PAM: variants seen among roughly 807,000 people sequenced by gnomAD.
PAM encodes the protein peptidylglycine alpha-amidating monooxygenase.
PAM carries 72 observed loss-of-function variants against 122.1 expected under a neutral mutation model. The ratio of observed to expected loss-of-function variants is 0.59; its 90% CI spans 0.49 to 0.72. The LOEUF (loss-of-function observed/expected upper bound fraction) is 0.72, where lower values mean the gene tolerates loss of function less well. Ranked by LOEUF, PAM falls within the 30% of genes least tolerant of loss-of-function variation. PAM has a pLI of 0.00. For synonymous variants in PAM, 389 were observed against 404.4 expected (o/e 0.96, Z 0.46); for missense variants, 1,106 against 1,183.7 (o/e 0.93, Z 0.96).
At chr5:102,895,188 T>C (rs1795867080) in intron 3 of PAM, among the ~76,000 whole-genome samples, 1 of 151,822 alleles carries the variant, frequency 6.6e-6, no homozygotes, top group Non-Finnish European at 1.5e-5. Flanking sequence ...ACACGGCCTT[T>C]GAAAATACTA....
intron 7 of PAM, among the ~76,000 whole-genome samples, chr5:102,932,577 A>G (rs543559226): frequency 2.3e-4 from 34 of 149,136 alleles, no homozygotes; most frequent in Admixed American, 1.9e-3. Flanking sequence ...AGATATATAT[A>G]CATATAATTG....
intron 16 of PAM, among the ~76,000 whole-genome samples, chr5:102,992,312 G>C (rs1157503572): frequency 1.3e-5 from 2 of 152,000 alleles, no homozygotes; most frequent in African/African-American, 4.8e-5. Context: ...CTGTTTCCTT[G>C]CTCTTCTTCA....
chr5:102,776,672 T>C (rs1425592967), intron 1 of PAM, among the ~76,000 whole-genome samples: 1 of 152,062 alleles, frequency 6.6e-6, no homozygotes, highest in African/African-American at 2.4e-5. Flanking sequence ...ACAGATAAAA[T>C]TTACTCTCTT....
Position 102,913,988 on chromosome 5 carries a change from G to C in PAM, c.323G>C (p.Gly108Ala). Residue 108 changes from glycine to alanine, a missense_variant, in exon 5 of 26, where the codon GGA (glycine) becomes GCA (alanine). Around this residue, in one of 3 missense-constraint regions of PAM, gnomAD observed 670 missense variants for 690.3 expected, o/e 0.97. Transcript: ENST00000438793. ...MDTVHHMLLF[G>A]CNMPSSTGSY... The stretch of plus-strand genomic sequence containing the variant: ...ACTGTCCATCACATGTTACTTTTTG[G>C]ATGCAATATGCCTTCATCCACTGGA... 1 of 1,603,058 alleles carries C rather than the reference G, an allele frequency of 6.2e-7. No individual in the cohort carries two copies. The highest frequency in any genetic ancestry group is 8.5e-7 in the Non-Finnish European group (1 of 1,170,258).
intron 3 of PAM, among the ~76,000 whole-genome samples, chr5:102,899,570 T>G (rs931569779): frequency 4.0e-5 from 6 of 151,740 alleles, no homozygotes; most frequent in Admixed American, 3.9e-4. Flanking sequence ...ACTTTTGTTT[T>G]TATATTTGCT....
At chr5:102,881,475 G>A (rs1791062103) in intron 3 of PAM, among the ~76,000 whole-genome samples, 1 of 152,044 alleles carries the variant, frequency 6.6e-6, no homozygotes, top group African/African-American at 2.4e-5. Context: ...TTGCTGGTGG[G>A]AGGGTGCACT....
intron 7 of PAM, among the ~76,000 whole-genome samples, chr5:102,937,827 A>G (rs755128499): frequency 4.6e-5 from 7 of 151,798 alleles, no homozygotes; most frequent in Non-Finnish European, 8.8e-5. Context: ...AACAAGTAAT[A>G]GAGTCACTGT....
chr5:102,906,039 C>G (rs978317338), intron 4 of PAM, among the ~76,000 whole-genome samples: 1 of 151,630 alleles, frequency 6.6e-6, no homozygotes, highest in African/African-American at 2.4e-5. Context: ...TATACCTTGT[C>G]TCAGAGTCTC....
intron 3 of PAM, chr5:102,895,983 G>C (rs1302191037): frequency 2.0e-5 from 3 of 151,678 alleles, no homozygotes; most frequent in Non-Finnish European, 3.0e-5. Flanking sequence ...GAGATCGTCA[G>C]CACTCCCTGT....
intron 11 of PAM, among the ~76,000 whole-genome samples, chr5:102,950,416 G>GTGTGT (rs1758418594): frequency 8.7e-4 from 127 of 146,062 alleles, no homozygotes; most frequent in African/African-American, 3.1e-3. Context: ...TATGTGGGTG[G>GTGTGT]GTGTGTGTGT....
At chr5:102,758,326 G>GA (rs1393614062) in intron 1 of PAM, among the ~76,000 whole-genome samples, 1 of 152,024 alleles carries the variant, frequency 6.6e-6, no homozygotes, top group Non-Finnish European at 1.5e-5. Context: ...ATGGCAGGCT[G>GA]AGGGGCAGCC....
In PAM at chr5:102,797,906, A is replaced by AT. The variant is rs1186597793; in HGVS notation, c.-374+42562dup. 7.2e-5 allele frequency among the ~76,000 whole-genome samples: 11 copies of AT among 152,094 alleles called. No individual in the cohort carries two copies. In the South Asian group the frequency reaches 1.0e-3, roughly 14 times the overall value. ...CTCACTTTTCTCTTTAGTAATTTCC[A>AT]TTTTCTCTTGAAATTCATACAGTAT... On this transcript the variant is annotated intron_variant, in intron 1 of 25. Transcript: ENST00000438793.
intron 1 of PAM, among the ~76,000 whole-genome samples, chr5:102,848,450 G>A (rs534816564): frequency 5.9e-5 from 9 of 152,300 alleles, no homozygotes; most frequent in African/African-American, 2.2e-4. Flanking sequence ...GCCTCACTGT[G>A]GAAAGGGGAA....
intron 24 of PAM, 112 bp from the exon 25 acceptor site, chr5:103,028,073 G>A (rs911764362): frequency 7.5e-6 from 6 of 797,814 alleles, no homozygotes; most frequent in African/African-American, 1.7e-5. Flanking sequence ...ACAGACAAGA[G>A]CCAGGCCTTG....
chr5:102,914,326 C>T (rs1434466170), intron 5 of PAM, among the ~76,000 whole-genome samples: 1 of 151,990 alleles, frequency 6.6e-6, no homozygotes, highest in Admixed American at 6.6e-5. Flanking sequence ...AGTTGAAAAA[C>T]TACCAGTTGG....
chr5:103,010,823 G>A (rs866284422), intron 21 of PAM, among the ~76,000 whole-genome samples: 1 of 151,406 alleles, frequency 6.6e-6, no homozygotes, highest in Admixed American at 6.6e-5. Flanking sequence ...TATTTATGGG[G>A]TACATGAGAT....
intron 4 of PAM, among the ~76,000 whole-genome samples, chr5:102,905,139 G>T (rs144983367): frequency 1.1e-3 from 171 of 151,694 alleles, no homozygotes; most frequent in Non-Finnish European, 2.2e-3. Flanking sequence ...ATTTGAATGG[G>T]TGAAAGTATA....
intron 1 of PAM, among the ~76,000 whole-genome samples, chr5:102,847,656 T>C (rs765554867): frequency 2.2e-4 from 33 of 152,208 alleles, no homozygotes; most frequent in Non-Finnish European, 2.6e-4. Context: ...ATAGTAAAAT[T>C]ACATTTAGGT....
In PAM at chr5:102,798,559, A is replaced by G. The variant is rs112840482; in HGVS notation, c.-374+43211A>G. Among the ~76,000 whole-genome samples the G allele has an allele frequency of 7.1e-3, 1,086 of 152,286 alleles. 7 individuals carry two copies. The highest frequency in any genetic ancestry group is 0.025 in the African/African-American group (1,032 of 41,558). On this transcript the variant is annotated intron_variant, in intron 1 of 25. Coordinates refer to ENST00000438793, the MANE Select transcript of PAM (RefSeq NM_001177306.2). Reference sequence around the variant, plus strand: ...TTGTGATTCTCATTTGTGGCTAGAGAGTTAATCATCTTTCGATAATGCTTT... The same window carrying G: ...TTGTGATTCTCATTTGTGGCTAGAGGGTTAATCATCTTTCGATAATGCTTT...
Sources: allele counts gnomAD v4.1 joint callset (sites outside exome capture counted in the v4.1 genomes callset), GRCh38; gene constraint gnomAD v4.1.1; regional missense constraint gnomAD v4.1.1; transcripts MANE v1.5; gene names NCBI Gene and HGNC (gene_info 2026-07-23, HGNC 2026-07-21).